Variants in CFAP91 observed in about 807,000 individuals in gnomAD.
CFAP91 encodes cilia and flagella associated protein 91.
CFAP91 carries 85 observed loss-of-function variants against 95.9 expected under a neutral mutation model. That is an observed-to-expected ratio of 0.89 (90% confidence interval 0.74 to 1.06). CFAP91 has a LOEUF of 1.06. Ranked by LOEUF, CFAP91 falls within the 50% of genes least tolerant of loss-of-function variation. CFAP91 has a pLI of 0.00. For synonymous variants in CFAP91, 335 were observed against 327.5 expected (o/e 1.02, Z -0.25); for missense variants, 962 against 943.4 (o/e 1.02, Z -0.26).
Position 119,747,840 on chromosome 3 carries a change from T to C in CFAP91, c.2081T>C (p.Val694Ala). The C allele has an allele frequency of 6.2e-7, 1 of 1,613,594 alleles. No homozygotes were observed. The highest frequency in any genetic ancestry group is 8.5e-7 in the Non-Finnish European group (1 of 1,179,760). The change falls in exon 16 of 18, where the codon GTT becomes GCT. Residue 694 changes from valine to alanine, a missense_variant. Val to Ala is a moderately conservative substitution (Grantham distance 64). Transcript: ENST00000273390. ...ACCTATCTTCAGTCAGAGGAGATTGTTGCTGAGTTGGTTTATAGTTTTCTG... is the reference window on the plus strand; with the variant it reads ...ACCTATCTTCAGTCAGAGGAGATTGCTGCTGAGTTGGTTTATAGTTTTCTG... ...RRTYLQSEEI[V>A]AELVYSFLIP...
chr3:119,733,591 A>C (rs931736006), intron 10 of CFAP91, 85 bp downstream of exon 10: 9 of 1,409,982 alleles, frequency 6.4e-6, no homozygotes, highest in Non-Finnish European at 8.9e-6. Context: ...AGCAATGTCC[A>C]GTGGGTCAAA....
chr3:119,764,541 G>A (rs984948364), intron 17 of CFAP91, among the ~76,000 whole-genome samples: 2 of 152,028 alleles, frequency 1.3e-5, no homozygotes, highest in Non-Finnish European at 2.9e-5. Flanking sequence ...TTATGGTCCA[G>A]TAATATTTGG....
chr3:119,763,963 AAG>A (rs1289630659), intron 17 of CFAP91, among the ~76,000 whole-genome samples: 3 of 152,086 alleles, frequency 2.0e-5, no homozygotes, highest in African/African-American at 7.2e-5. Context: ...GAAAATAGCA[AAG>A]AGAGATTTTA....
At chr3:119,745,247 C>T (rs1268118086) in intron 14 of CFAP91, among the ~76,000 whole-genome samples, 8 of 152,162 alleles carry the variant, frequency 5.3e-5, no homozygotes. Context: ...ACTTCCCCAG[C>T]CTCCATTCAG....
At position 119,733,470 on chromosome 3, in the gene CFAP91, A is replaced by C. The variant is rs2053941587; in HGVS notation, c.1308A>C (p.Ala436=). The C allele has an allele frequency of 6.2e-7, 1 of 1,614,132 alleles. No homozygotes were observed. Among genetic ancestry groups the C allele is most frequent in the Non-Finnish European group, 8.5e-7 (1 of 1,179,978 alleles). Residue 436 remains alanine (A), a synonymous_variant, in exon 10 of 18, where the codon GCA becomes GCC. Transcript: ENST00000273390. ...CCAAAGCTGGTTTTCTGAAGAGGGC[A>C]GCAAGGTTGGACTATGAGTTGGCAG... ...ITTKAGFLKR[A]ARLDYELAEV... is the part of the protein sequence containing the mutation.
At chr3:119,719,068 A>G (rs532195463) in intron 6 of CFAP91, among the ~76,000 whole-genome samples, 1 of 152,342 alleles carries the variant, frequency 6.6e-6, no homozygotes, top group Non-Finnish European at 1.5e-5. Flanking sequence ...TGAATGAAAT[A>G]TAGTCTATTC....
intron 7 of CFAP91, among the ~76,000 whole-genome samples, chr3:119,727,646 G>A (rs986347934): frequency 6.6e-6 from 1 of 152,190 alleles, no homozygotes; most frequent in African/African-American, 2.4e-5. Context: ...GGTGGACAAG[G>A]AAGGGACAAA....
rs765347077 is a variant in CFAP91 at position 119,706,845 on chromosome 3, C to T, written c.161C>T (p.Thr54Ile). 6.8e-6 allele frequency: 11 copies of T among 1,613,308 alleles called. No homozygotes were observed. The highest frequency in any genetic ancestry group is 9.3e-6 in the Non-Finnish European group (11 of 1,179,836). Residue 54 changes from threonine to isoleucine, a missense_variant, in exon 2 of 18, where the codon ACA becomes ATA. Thr to Ile is a moderately conservative substitution (Grantham distance 89, BLOSUM62 -1). Transcript: ENST00000273390. Reference protein sequence around the residue: ...LFIVSSEKDHTQANIQATLIR... With the variant: ...LFIVSSEKDHIQANIQATLIR... ...ATTGTGTCAAGTGAGAAAGACCATA[C>T]ACAGGCAAATATCCAAGCTACCCTG... is the stretch of plus-strand genomic sequence containing the variant.
At chr3:119,733,258 A>T in intron 9 of CFAP91, 106 bp from the exon 10 acceptor site, 1 of 1,169,318 alleles carries the variant, frequency 8.6e-7, no homozygotes, top group Non-Finnish European at 1.2e-6. Flanking sequence ...CCCTCTCAAC[A>T]ATTCTAATGA....
chr3:119,730,251 G>T lies in CFAP91; in HGVS notation c.892G>T (p.Glu298Ter). The T allele has an allele frequency of 6.2e-7, 1 of 1,614,070 alleles. No homozygotes were observed. Among genetic ancestry groups the T allele is most frequent in the Non-Finnish European group, 8.5e-7 (1 of 1,179,976 alleles). Residue 298 changes from glutamate (E) to a stop codon, truncating the protein, a stop_gained, in exon 8 of 18, where the codon GAG becomes TAG. Coordinates refer to ENST00000273390, the MANE Select transcript of CFAP91 (RefSeq NM_033364.4). LOFTEE classifies it high-confidence loss of function. Reference sequence around the variant, plus strand: ...GGAGATTCGCCTGGAAGTTCTAAAAGAGCTGTTGAGGAAGCGTGAAGAGAA... The same window carrying T: ...GGAGATTCGCCTGGAAGTTCTAAAATAGCTGTTGAGGAAGCGTGAAGAGAA... ...LQEIRLEVLK[E>*]LLRKREENQN...
chr3:119,736,524 C>T (rs2054011030), intron 10 of CFAP91, among the ~76,000 whole-genome samples: 1 of 152,106 alleles, frequency 6.6e-6, no homozygotes, highest in African/African-American at 2.4e-5. Context: ...GATCCACCCT[C>T]CTCGGCCTCC....
chr3:119,721,263 G>A (rs948259258), intron 6 of CFAP91, among the ~76,000 whole-genome samples: 8 of 152,162 alleles, frequency 5.3e-5, no homozygotes, highest in Non-Finnish European at 8.8e-5. Context: ...GCAGGAAAAA[G>A]TATTTTATAG....
chr3:119,745,858 C>T (rs1162090497), intron 14 of CFAP91, among the ~76,000 whole-genome samples: 1 of 152,220 alleles, frequency 6.6e-6, no homozygotes, highest in Non-Finnish European at 1.5e-5. Context: ...TGATGTTTTA[C>T]ACATAGGTGT....
chr3:119,724,406 G>A (rs1458424745), intron 6 of CFAP91, among the ~76,000 whole-genome samples: 1 of 152,044 alleles, frequency 6.6e-6, no homozygotes. Context: ...TAAAAAATGT[G>A]AAGTATATAT....
intron 13 of CFAP91, 105 bp downstream of exon 13, chr3:119,740,800 G>C: frequency 7.9e-7 from 1 of 1,273,856 alleles, no homozygotes; most frequent in Non-Finnish European, 1.1e-6. Flanking sequence ...TGATGAAAAA[G>C]AAACAGCCCC....
At chr3:119,710,152 A>G (rs761082484) in intron 5 of CFAP91, 14 of 435,468 alleles carry the variant, frequency 3.2e-5, no homozygotes, top group Non-Finnish European at 5.3e-5. Context: ...ATATATGCAT[A>G]TGTTTATATG....
intron 9 of CFAP91, among the ~76,000 whole-genome samples, 183 bp downstream of exon 9, chr3:119,732,659 C>G (rs565134519): frequency 7.9e-5 from 12 of 152,068 alleles, no homozygotes; most frequent in Non-Finnish European, 1.5e-4. Context: ...CACTATAGAA[C>G]AGTTCAGCAA....
chr3:119,722,154 G>A (rs2053697329), intron 6 of CFAP91, among the ~76,000 whole-genome samples: 4 of 147,246 alleles, frequency 2.7e-5, no homozygotes. Context: ...TCCCACCTGG[G>A]CAACAGAGTG....
intron 2 of CFAP91, 161 bp from the exon 3 acceptor site, chr3:119,707,243 G>T: frequency 1.8e-6 from 1 of 551,334 alleles, no homozygotes; most frequent in Non-Finnish European, 3.1e-6. Context: ...CAGTTTCTTG[G>T]GCATGTATTT....
Sources: allele counts gnomAD v4.1 joint callset (sites outside exome capture counted in the v4.1 genomes callset), GRCh38; gene constraint gnomAD v4.1.1; transcripts MANE v1.5; gene names NCBI Gene and HGNC (gene_info 2026-07-23, HGNC 2026-07-21).